Variants in LAMA3 observed in about 807,000 individuals in gnomAD.
LAMA3 encodes the protein laminin subunit alpha-3.
A neutral mutation model predicts 402.0 loss-of-function variants in LAMA3; 281 were observed. That is an observed-to-expected ratio of 0.70 (90% CI 0.63 to 0.77). The LOEUF is 0.77. Ranked by LOEUF, LAMA3 falls within the 30% of genes least tolerant of loss-of-function variation. LAMA3 has a pLI of 0.00. For missense variants in LAMA3, 3,840 were observed against 4,215.5 expected, an observed-to-expected ratio of 0.91 and a Z score of 2.47; for synonymous variants, 1,431 against 1,558.4, an observed-to-expected ratio of 0.92 and a Z score of 1.93.
At chr18:23,690,872 A>ATTTATTTAT (rs2060573607) in intron 1 of LAMA3, among the ~76,000 whole-genome samples, 2 of 136,952 alleles carry the variant, frequency 1.5e-5, no homozygotes, top group Admixed American at 7.4e-5. Flanking sequence ...AGGCCTGGCA[A>ATTTATTTAT]TTATTTATTT....
intron 34 of LAMA3, among the ~76,000 whole-genome samples, chr18:23,859,979 T>G (rs1481751610): frequency 6.6e-6 from 1 of 152,092 alleles, no homozygotes; most frequent in African/African-American, 2.4e-5. Context: ...TATTACCACA[T>G]CAGAGTCCAA....
At position 23,918,679 on chromosome 18, in the gene LAMA3, G is replaced by C. The variant is rs963022588; in HGVS notation, c.7923+1984G>C. Among the ~76,000 whole-genome samples, 1 of 152,272 alleles carries C rather than the reference G, an allele frequency of 6.6e-6. No homozygotes were observed. On this transcript the variant is annotated intron_variant, in intron 60 of 74. Transcript: ENST00000313654. The surrounding 1 kb of genome is among the most constrained non-coding windows in gnomAD (Gnocchi z 4.1). Reference sequence around the variant, plus strand: ...TGTTTGCTGCTTTATACCTATAGCCGGCCTGGAGTTGAACCCTCCGGTGAA... The same window carrying C: ...TGTTTGCTGCTTTATACCTATAGCCCGCCTGGAGTTGAACCCTCCGGTGAA...
intron 21 of LAMA3, among the ~76,000 whole-genome samples, chr18:23,826,241 G>T (rs889686327): frequency 4.4e-4 from 67 of 152,332 alleles, no homozygotes; most frequent in African/African-American, 1.6e-3. Flanking sequence ...CAGTAGGCCA[G>T]TTCCATTCTG....
chr18:23,773,174 G>A (rs1469377701), intron 8 of LAMA3, among the ~76,000 whole-genome samples: 3 of 152,210 alleles, frequency 2.0e-5, no homozygotes, highest in African/African-American at 7.2e-5. Context: ...TACGAGAACA[G>A]TCCTCTTCAG....
At chr18:23,842,214 C>CA (rs1382369735) in intron 27 of LAMA3, among the ~76,000 whole-genome samples, 181 bp from the exon 28 acceptor site, 2 of 152,088 alleles carry the variant, frequency 1.3e-5, no homozygotes, top group Non-Finnish European at 2.9e-5. Flanking sequence ...ACAACAACAA[C>CA]AAAAAAGCTA....
intron 1 of LAMA3, among the ~76,000 whole-genome samples, chr18:23,694,409 C>T (rs1427416712): frequency 1.3e-5 from 2 of 152,160 alleles, no homozygotes; most frequent in African/African-American, 4.8e-5. Context: ...TGCTCCCCTG[C>T]TTAATGCAGG....
intron 2 of LAMA3, among the ~76,000 whole-genome samples, chr18:23,726,652 T>A (rs969539274): frequency 2.6e-5 from 4 of 152,190 alleles, no homozygotes; most frequent in Non-Finnish European, 5.9e-5. Context: ...AGGATTTTGC[T>A]CTGTTGCCCA....
At chr18:23,904,731 G>T in intron 51 of LAMA3, 37 bp downstream of exon 51, 1 of 1,608,356 alleles carries the variant, frequency 6.2e-7, no homozygotes, top group Admixed American at 1.7e-5. Flanking sequence ...CACATTCGCT[G>T]TGGAGATGGC....
intron 12 of LAMA3, among the ~76,000 whole-genome samples, chr18:23,801,488 G>A (rs1348508703): frequency 1.3e-5 from 2 of 152,082 alleles, no homozygotes; most frequent in Non-Finnish European, 2.9e-5. Flanking sequence ...CTGCATTTTA[G>A]AGCCTAAAAA....
At chr18:23,736,581 C>T (rs111270311) in intron 2 of LAMA3, among the ~76,000 whole-genome samples, 3 of 152,038 alleles carry the variant, frequency 2.0e-5, no homozygotes, top group South Asian at 4.2e-4. Context: ...TAGAATTCTC[C>T]CTTAAGCTAT....
intron 1 of LAMA3, among the ~76,000 whole-genome samples, chr18:23,690,211 G>A (rs940525262): frequency 6.6e-5 from 10 of 152,224 alleles, no homozygotes; most frequent in African/African-American, 2.4e-4. Flanking sequence ...GGTGACATGA[G>A]GCTGTGGTCA....
intron 57 of LAMA3, 38 bp downstream of exon 57, chr18:23,914,599 T>C (rs1568338019): frequency 6.2e-7 from 1 of 1,612,516 alleles, no homozygotes. Flanking sequence ...CTCACCAAAC[T>C]TCCATGTATA....
intron 69 of LAMA3, among the ~76,000 whole-genome samples, 164 bp downstream of exon 69, chr18:23,944,135 C>T (rs968371402): frequency 6.6e-6 from 1 of 152,106 alleles, no homozygotes; most frequent in Non-Finnish European, 1.5e-5. Context: ...CTGGAGGCCG[C>T]GGCACACACA....
At chr18:23,815,755 G>A (rs556224087) in intron 17 of LAMA3, among the ~76,000 whole-genome samples, 182 bp downstream of exon 17, 43 of 152,286 alleles carry the variant, frequency 2.8e-4, no homozygotes, top group African/African-American at 1.0e-3. Context: ...TGCAAGTGGG[G>A]CTGTTTCTAC....
intron 14 of LAMA3, 124 bp downstream of exon 14, chr18:23,813,227 G>T: frequency 2.9e-6 from 2 of 679,334 alleles, no homozygotes; most frequent in Non-Finnish European, 5.2e-6. Flanking sequence ...GCTTAAAGAG[G>T]TCATTGTTGT....
chr18:23,698,137 A>T (rs945006945), intron 1 of LAMA3, among the ~76,000 whole-genome samples: 1 of 688 alleles, frequency 1.5e-3, no homozygotes, highest in African/African-American at 0.011. Flanking sequence ...AATTTGTGGG[A>T]GGGGGTGGGT....
chr18:23,813,123 G>C lies in LAMA3; in HGVS notation c.1788+20G>C, dbSNP rs751633083. ...AATTTGGTAAGTAGACTATAAAAGG[G>C]TTGCAATTCTAACTATCTCTATTAT... On this transcript the variant is annotated intron_variant, in intron 14 of 74. Coordinates refer to ENST00000313654, the MANE Select transcript of LAMA3 (RefSeq NM_198129.4). 19 of 1,553,544 alleles carry C rather than the reference G, an allele frequency of 1.2e-5. No homozygotes were observed. The highest frequency in any genetic ancestry group is 1.7e-5 in the Non-Finnish European group (19 of 1,125,076).
intron 2 of LAMA3, among the ~76,000 whole-genome samples, chr18:23,740,265 A>G (rs1295094052): frequency 1.3e-5 from 2 of 152,214 alleles, no homozygotes; most frequent in Non-Finnish European, 2.9e-5. Flanking sequence ...CTGCAAGTCT[A>G]TTTAGGGAGT....
rs146644544 is a variant in LAMA3, at chr18:23,875,872, G to T, written c.4999-422G>T. Among the ~76,000 whole-genome samples, 23 of 152,120 alleles carry T rather than the reference G, an allele frequency of 1.5e-4. No individual in the cohort carries two copies. In the East Asian group the frequency reaches 4.4e-3, roughly 29 times the overall value. ...CCCTTCTCATCCCCCATCTCCACAC[G>T]TGCCCTGTCTCTGATTTCCCCACCA... On this transcript the variant is annotated intron_variant, in intron 38 of 74. Transcript: ENST00000313654.
Sources: allele counts gnomAD v4.1 joint callset (sites outside exome capture counted in the v4.1 genomes callset), GRCh38; gene constraint gnomAD v4.1.1; non-coding constraint Gnocchi (gnomAD v3.1); transcripts MANE v1.5; gene names NCBI Gene and HGNC (gene_info 2026-07-23, HGNC 2026-07-21).